GPR173: variants seen among roughly 807,000 people sequenced by gnomAD.
The protein encoded by GPR173 is G protein-coupled receptor 173, also known as probable G protein-coupled receptor 173.
Under a neutral mutation model 13.9 loss-of-function variants are expected in GPR173, and 2 were observed. The ratio of observed to expected loss-of-function variants is 0.14; its 90% CI spans 0.06 to 0.45. GPR173 has a LOEUF of 0.45. Among genes scored for constraint, GPR173 ranks in the 20% least tolerant of loss-of-function variants. The probability of loss-of-function intolerance (pLI) is 0.98; values close to 1 mark genes in which losing one functional copy is unlikely to be tolerated. For missense variants in GPR173, 202 were observed against 340.5 expected (o/e 0.59, Z 3.20); for synonymous variants, 131 against 141.0 (o/e 0.93, Z 0.50).
chrX:53,076,568 C>T lies in GPR173; in HGVS notation c.-54C>T. On this transcript the variant is annotated 5_prime_UTR_variant, in exon 2 of 2. It introduces an in-frame stop codon into an upstream open reading frame of the 5' UTR. Coordinates refer to ENST00000332582, the MANE Select transcript of GPR173 (RefSeq NM_018969.6). ...ACTCATGGAGCCCCCCCGGGCCCAT[C>T]GAGTACCGGACTGGCTGACCCCCTA... 4.8e-6 allele frequency: 5 copies of T among 1,039,582 alleles called. No homozygotes were observed. Among genetic ancestry groups the T allele is most frequent in the East Asian group, 3.1e-5 (1 of 32,715 alleles). The allele number at this position is 1,039,582 out of a possible 1,213,427, so 85.7% of individuals were successfully genotyped here. A position where few individuals can be genotyped will look rare whatever the true frequency, so the allele number is the denominator to read the frequency against.
At chrX:53,072,281 A>C (rs782663770) in intron 1 of GPR173, among the ~76,000 whole-genome samples, 9 of 103,400 alleles carry the variant, frequency 8.7e-5, no homozygotes, top group East Asian at 3.1e-4. Context: ...CTCTCTCTCT[A>C]TCTCTCTCCA....
chrX:53,073,434 C>G (rs781791330), intron 1 of GPR173, among the ~76,000 whole-genome samples: 1 of 110,492 alleles, frequency 9.1e-6, no homozygotes, highest in South Asian at 3.8e-4. Context: ...CCTCTGGGAC[C>G]TGTGCTGTTA....
chrX:53,067,647 A>T (rs1556804344), intron 1 of GPR173, among the ~76,000 whole-genome samples: 1 of 110,978 alleles, frequency 9.0e-6, no homozygotes, highest in Non-Finnish European at 1.9e-5. Flanking sequence ...AACACAGTGA[A>T]ACCCCGTCTC....
In GPR173 at chrX:53,078,811, C is replaced by T. The variant is rs1932483401; in HGVS notation, c.*1068C>T. 1 of 123,045 alleles carries T rather than the reference C, an allele frequency of 8.1e-6. No individual in the cohort carries two copies. The highest frequency in any genetic ancestry group is 1.9e-5 in the Non-Finnish European group (1 of 53,166). The allele number at this position is 123,045 out of a possible 1,213,427, so 10.1% of individuals were successfully genotyped here. ...AAAATTTGTTTGGGGCCTTGGTAAC[C>T]GATAGCGGTACAAACTCCAAGGCAC... is the stretch of plus-strand genomic sequence containing the variant. On this transcript the variant is annotated 3_prime_UTR_variant, in exon 2 of 2. Transcript: ENST00000332582.
At chrX:53,074,255 T>C (rs1932361662) in intron 1 of GPR173, among the ~76,000 whole-genome samples, 1 of 96,542 alleles carries the variant, frequency 1.0e-5, no homozygotes, top group Non-Finnish European at 2.0e-5. Context: ...AATATACATT[T>C]ATATTTATTC....
chrX:53,078,018 GTCTCTCTCTC>G lies in GPR173; in HGVS notation c.*294_*303del, dbSNP rs370688515. 5.5e-5 allele frequency: 14 copies of G among 256,770 alleles called. No homozygotes were observed. The South Asian group carries it at 8.0e-4, about 15-fold the overall frequency. 21.2% of individuals were successfully genotyped at this position (256,770 alleles called of 1,213,427 possible). A position where few individuals can be genotyped will look rare whatever the true frequency, so the allele number is the denominator to read the frequency against. Reference sequence around the variant, plus strand: ...TCTCATTCTCTCTCTCTCTCTCTCTGTCTCTCTCTCTCTCTCTCTCTCTCTCTCAGAAGTG... The same window carrying G: ...TCTCATTCTCTCTCTCTCTCTCTCTGTCTCTCTCTCTCTCTCTCAGAAGTG... On this transcript the variant is annotated 3_prime_UTR_variant, in exon 2 of 2. Transcript: ENST00000332582.
chrX:53,051,176 C>T (rs1170831216), intron 1 of GPR173, among the ~76,000 whole-genome samples: 1 of 110,962 alleles, frequency 9.0e-6, no homozygotes, highest in Non-Finnish European at 1.9e-5. Context: ...AGCTGCTCAC[C>T]TAGAGCCTGG....
At chrX:53,074,514 A>G (rs1932387078) in intron 1 of GPR173, among the ~76,000 whole-genome samples, 1 of 38,889 alleles carries the variant, frequency 2.6e-5, no homozygotes, top group Non-Finnish European at 3.6e-5. Context: ...ATAGATTTAT[A>G]TATATTTATT....
At chrX:53,073,392 C>T (rs782088469) in intron 1 of GPR173, among the ~76,000 whole-genome samples, 12 of 110,365 alleles carry the variant, frequency 1.1e-4, no homozygotes, top group African/African-American at 3.3e-4. Context: ...CCTGAGTTTC[C>T]CCAGTTTCTG....
At chrX:53,058,867 T>A (rs1159049666) in intron 1 of GPR173, among the ~76,000 whole-genome samples, 1 of 110,091 alleles carries the variant, frequency 9.1e-6, no homozygotes, top group Non-Finnish European at 1.9e-5. Flanking sequence ...TAAGTGCCTA[T>A]GTAAATGGCG....
At chrX:53,057,145 G>A (rs142269249) in intron 1 of GPR173, among the ~76,000 whole-genome samples, 99 of 112,164 alleles carry the variant, frequency 8.8e-4, no homozygotes, top group Non-Finnish European at 1.6e-3. Flanking sequence ...GGCTGGACGC[G>A]TTGGCTCACG....
chrX:53,072,461 CCT>C (rs1247337308), intron 1 of GPR173, among the ~76,000 whole-genome samples: 1 of 102,983 alleles, frequency 9.7e-6, no homozygotes, highest in Non-Finnish European at 2.0e-5. Flanking sequence ...TCTGTGTGTG[CCT>C]CTGTCTCTTT....
At chrX:53,054,578 G>T in intron 1 of GPR173, among the ~76,000 whole-genome samples, 1 of 109,641 alleles carries the variant, frequency 9.1e-6, no homozygotes, top group South Asian at 4.0e-4. Context: ...GAGGCATTTG[G>T]GTGTGTTTGG....
At chrX:53,057,708 C>T (rs1310964724) in intron 1 of GPR173, among the ~76,000 whole-genome samples, 2 of 110,360 alleles carry the variant, frequency 1.8e-5, no homozygotes, top group Non-Finnish European at 3.8e-5. Context: ...GAGCTGAGAT[C>T]GTGCCATTGC....
chrX:53,071,595 A>T (rs1932258068), intron 1 of GPR173, among the ~76,000 whole-genome samples: 2 of 112,125 alleles, frequency 1.8e-5, no homozygotes, highest in Non-Finnish European at 3.8e-5. Context: ...ACTCTCCCCC[A>T]TATTACTGGA....
At chrX:53,075,521 GC>G (rs1932420001) in intron 1 of GPR173, among the ~76,000 whole-genome samples, 1 of 106,646 alleles carries the variant, frequency 9.4e-6, no homozygotes, top group East Asian at 2.9e-4. Flanking sequence ...CTAGAACAGT[GC>G]CTGGCACACA....
At position 53,077,050 on chromosome X, in the gene GPR173, C is replaced by A; in HGVS notation, c.429C>A (p.Val143=). ...KRMTLWTCAA[V]ICMAWTLSVA... Reference sequence around the variant, plus strand: ...TGACACTCTGGACATGCGCGGCTGTCATCTGCATGGCCTGGACCCTGTCTG... The same window carrying A: ...TGACACTCTGGACATGCGCGGCTGTAATCTGCATGGCCTGGACCCTGTCTG... The change falls in exon 2 of 2, where the codon GTC becomes GTA. Residue 143 remains valine, a synonymous_variant. Coordinates refer to ENST00000332582, the MANE Select transcript of GPR173 (RefSeq NM_018969.6). The A allele has an allele frequency of 8.3e-7, 1 of 1,209,267 alleles. No homozygotes were observed. Among genetic ancestry groups the A allele is most frequent in the Non-Finnish European group, 1.1e-6 (1 of 893,528 alleles).
chrX:53,065,637 A>C (rs868934352), intron 1 of GPR173: 12 of 112,319 alleles, frequency 1.1e-4, no homozygotes, highest in South Asian at 3.6e-4. Context: ...AGCCTAAGTA[A>C]GTTGCAGCAA....
intron 1 of GPR173, among the ~76,000 whole-genome samples, chrX:53,067,404 A>G (rs1461351087): frequency 8.9e-6 from 1 of 112,058 alleles, no homozygotes; most frequent in African/African-American, 3.2e-5. Flanking sequence ...ATTCTAACCC[A>G]TCTCATAAAA....
Sources: allele counts gnomAD v4.1 joint callset (sites outside exome capture counted in the v4.1 genomes callset), GRCh38; gene constraint gnomAD v4.1.1; transcripts MANE v1.5; gene names NCBI Gene and HGNC (gene_info 2026-07-23, HGNC 2026-07-21).